The following LACTB variants were observed in gnomAD, a reference collection of about 807,000 sequenced individuals.
LACTB encodes the protein lactamase beta.
A neutral mutation model predicts 50.2 loss-of-function variants in LACTB; 35 were observed. The observed-to-expected ratio is 0.70, with a 90% CI of 0.53 to 0.92. LACTB has a LOEUF of 0.92. LACTB is among the 40% of genes least tolerant of loss of function. LACTB has a pLI of 0.00. For synonymous variants in LACTB, 252 were observed against 268.2 expected, an observed-to-expected ratio of 0.94 and a Z score of 0.59; for missense variants, 664 against 691.8, an observed-to-expected ratio of 0.96 and a Z score of 0.45.
At position 63,122,065 on chromosome 15, in the gene LACTB, C is replaced by T. The variant is rs1008166998; in HGVS notation, c.194C>T (p.Pro65Leu). The change falls in exon 1 of 6, where the codon CCG becomes CTG. Residue 65 changes from proline to leucine, a missense_variant. Pro to Leu is a moderately conservative substitution (Grantham distance 98). Coordinates refer to ENST00000261893, the MANE Select transcript of LACTB (RefSeq NM_032857.5). ...KLAGGLRGAA[P>L]AQSPAAPDPE... Reference sequence around the variant, plus strand: ...GCAGGTGGGCTGAGGGGCGCGGCCCCGGCGCAGTCCCCCGCGGCCCCCGAC... The same window carrying T: ...GCAGGTGGGCTGAGGGGCGCGGCCCTGGCGCAGTCCCCCGCGGCCCCCGAC... 2 of 1,436,486 alleles carry T rather than the reference C, an allele frequency of 1.4e-6. No individual in the cohort carries two copies. The highest frequency in any genetic ancestry group is 1.5e-5 in the African/African-American group (1 of 67,154). 89.0% of individuals were successfully genotyped at this position (1,436,486 alleles called of 1,614,324 possible). A position where few individuals can be genotyped will look rare whatever the true frequency, so the allele number is the denominator to read the frequency against.
At chr15:63,122,474 T>C (rs575331542) in intron 1 of LACTB, 162 bp from the exon 2 acceptor site, 7 of 739,268 alleles carry the variant, frequency 9.5e-6, no homozygotes, top group South Asian at 1.5e-5. Context: ...GGCACATCCC[T>C]TGCTGTTAGT....
chr15:63,140,067 G>T (rs771840374), intron 5 of LACTB, among the ~76,000 whole-genome samples: 10 of 152,010 alleles, frequency 6.6e-5, no homozygotes, highest in Non-Finnish European at 1.3e-4. Context: ...TGATTGTACC[G>T]CTGCAGTCCA....
rs2036992803 is a variant in LACTB, at chr15:63,122,666, G to A, written c.388G>A (p.Gly130Arg). 1 of 1,613,902 alleles carries A rather than the reference G, an allele frequency of 6.2e-7. No homozygotes were observed. The highest frequency in any genetic ancestry group is 8.5e-7 in the Non-Finnish European group (1 of 1,179,774). Reference sequence around the variant, plus strand: ...GGTGGGCGCACCGGGCATAGTGGTTGGAGTTTCTGTAGATGGAAAAGAAGT... The same window carrying A: ...GGTGGGCGCACCGGGCATAGTGGTTAGAGTTTCTGTAGATGGAAAAGAAGT... ...DEVGAPGIVV[G>R]VSVDGKEVWS... is the part of the protein sequence containing the mutation. The change falls in exon 2 of 6, where the codon GGA (glycine) becomes AGA (arginine). Residue 130 changes from glycine to arginine, a missense_variant. Physicochemically the swap from Gly to Arg is moderately radical, Grantham distance 125. Coordinates refer to ENST00000261893, the MANE Select transcript of LACTB (RefSeq NM_032857.5).
chr15:63,135,247 T>C (rs2037165841), intron 5 of LACTB, among the ~76,000 whole-genome samples: 1 of 152,214 alleles, frequency 6.6e-6, no homozygotes, highest in African/African-American at 2.4e-5. Context: ...ATTTAAATTA[T>C]AATTGTTCAA....
intron 5 of LACTB, among the ~76,000 whole-genome samples, chr15:63,140,775 C>T (rs1351844450): frequency 1.3e-5 from 2 of 152,088 alleles, no homozygotes; most frequent in East Asian, 3.9e-4. Context: ...GCTGCTGCAC[C>T]CAGCTTATAT....
chr15:63,131,046 A>G (rs1178318354), intron 5 of LACTB: 1 of 152,266 alleles, frequency 6.6e-6, no homozygotes, highest in East Asian at 1.9e-4. Context: ...TAATCCCATC[A>G]CTTTGGGAGG....
chr15:63,140,487 C>T (rs895757060), intron 5 of LACTB, among the ~76,000 whole-genome samples: 1 of 152,142 alleles, frequency 6.6e-6, no homozygotes, highest in Non-Finnish European at 1.5e-5. Flanking sequence ...TAACTGCCAA[C>T]CCTACTTCAC....
chr15:63,126,688 A>G (rs1471157002), intron 2 of LACTB, among the ~76,000 whole-genome samples, 171 bp from the exon 3 acceptor site: 1 of 152,236 alleles, frequency 6.6e-6, no homozygotes, highest in African/African-American at 2.4e-5. Flanking sequence ...GCTTACCGAT[A>G]TACTAAGATT....
intron 1 of LACTB, 22 bp downstream of exon 1, chr15:63,122,250 G>T (rs765402686): frequency 2.6e-6 from 4 of 1,521,358 alleles, no homozygotes; most frequent in Admixed American, 2.1e-5. Context: ...GGAGCGGGGG[G>T]CGTAGGGGGC....
chr15:63,135,562 C>T (rs1340990020), intron 5 of LACTB, among the ~76,000 whole-genome samples: 1 of 151,790 alleles, frequency 6.6e-6, no homozygotes, highest in African/African-American at 2.4e-5. Context: ...TCAGACAATA[C>T]AAAAAAAATC....
intron 4 of LACTB, 164 bp from the exon 5 acceptor site, chr15:63,129,321 G>C (rs2037097708): frequency 7.5e-6 from 4 of 531,078 alleles, no homozygotes; most frequent in Non-Finnish European, 1.2e-5. Flanking sequence ...CAGTTGCAAA[G>C]TTAACTCAAT....
intron 2 of LACTB, among the ~76,000 whole-genome samples, chr15:63,125,167 T>A (rs544577371): frequency 8.1e-4 from 68 of 84,342 alleles, no homozygotes; most frequent in Admixed American, 6.7e-3. Context: ...ATAAAAAAAA[T>A]TTTATTTATT....
At chr15:63,129,253 G>A (rs1356223187) in intron 4 of LACTB, 1 of 280,216 alleles carries the variant, frequency 3.6e-6, no homozygotes, top group Non-Finnish European at 6.5e-6. Context: ...AGATTTATGT[G>A]AAATGTTAAG....
chr15:63,124,684 G>A (rs2141068306), intron 2 of LACTB, among the ~76,000 whole-genome samples: 1 of 152,260 alleles, frequency 6.6e-6, no homozygotes, highest in South Asian at 2.1e-4. Context: ...CAGGTGCAGT[G>A]GCTCACGCCT....
In LACTB at chr15:63,122,001, C is replaced by T; in HGVS notation, c.130C>T (p.Leu44Phe). ...TCTCGGCCACGGCTGGGTCGGGGGC[C>T]TCGGGCTGGGGCTGGGGCTGGCGCT... ...PPLGHGWVGG[L>F]GLGLGLALGV... Residue 44 changes from leucine to phenylalanine, a missense_variant, in exon 1 of 6, where the codon CTC becomes TTC. By Grantham distance (22) the Leu-to-Phe change is conservative (BLOSUM62 0). Coordinates refer to ENST00000261893, the MANE Select transcript of LACTB (RefSeq NM_032857.5). 7.3e-7 allele frequency: 1 copy of T among 1,369,094 alleles called. No individual in the cohort carries two copies. Among genetic ancestry groups the T allele is most frequent in the Non-Finnish European group, 9.3e-7 (1 of 1,069,710 alleles). The allele number at this position is 1,369,094 out of a possible 1,614,324, so 84.8% of individuals were successfully genotyped here. A position where few individuals can be genotyped will look rare whatever the true frequency, so the allele number is the denominator to read the frequency against.
Position 63,141,932 on chromosome 15 carries a change from C to A in LACTB, c.*127C>A, listed in dbSNP as rs529088991. The A allele has an allele frequency of 1.0e-5, 7 of 698,018 alleles. No individual in the cohort carries two copies. Among genetic ancestry groups the A allele is most frequent in the Non-Finnish European group, 1.4e-5 (6 of 435,674 alleles). The allele number at this position is 698,018 out of a possible 1,614,324, so 43.2% of individuals were successfully genotyped here. A position where few individuals can be genotyped will look rare whatever the true frequency, so the allele number is the denominator to read the frequency against. The stretch of plus-strand genomic sequence containing the variant: ...ATAACTGAATGCAGAGAATTATGTA[C>A]CTCTAATTGCTTAATTTTGTAATGG... On this transcript the variant is annotated 3_prime_UTR_variant, in exon 6 of 6. Coordinates refer to ENST00000261893, the MANE Select transcript of LACTB (RefSeq NM_032857.5).
Position 63,122,252 on chromosome 15 carries a change from G to A in LACTB, c.357+24G>A, listed in dbSNP as rs1000610872. ...AGGTGCGGCCACTGGAGCGGGGGGC[G>A]TAGGGGGCCGGGGATCCACCCCTGT... On this transcript the variant is annotated intron_variant, in intron 1 of 5. Coordinates refer to ENST00000261893, the MANE Select transcript of LACTB (RefSeq NM_032857.5). 1.6e-5 allele frequency: 25 copies of A among 1,515,930 alleles called. No individual in the cohort carries two copies. In the South Asian group the frequency reaches 2.3e-4, roughly 14 times the overall value. The allele number at this position is 1,515,930 out of a possible 1,614,324, so 93.9% of individuals were successfully genotyped here. A position where few individuals can be genotyped will look rare whatever the true frequency, so the allele number is the denominator to read the frequency against.
rs2036976506 is a variant in LACTB at position 63,121,992 on chromosome 15, G to C, written c.121G>C (p.Val41Leu). The C allele has an allele frequency of 1.5e-6, 2 of 1,371,276 alleles. No individual in the cohort carries two copies. Among genetic ancestry groups the C allele is most frequent in the Non-Finnish European group, 1.9e-6 (2 of 1,070,922 alleles). 84.9% of individuals were successfully genotyped at this position (1,371,276 alleles called of 1,614,324 possible). The change falls in exon 1 of 6, where the codon GTC becomes CTC. Residue 41 changes from valine (V) to leucine (L), a missense_variant. Coordinates refer to ENST00000261893, the MANE Select transcript of LACTB (RefSeq NM_032857.5). ...AGLPPLGHGW[V>L]GGLGLGLGLA... ...GCTGCCGCCTCTCGGCCACGGCTGG[G>C]TCGGGGGCCTCGGGCTGGGGCTGGG...
intron 3 of LACTB, 129 bp downstream of exon 3, chr15:63,127,178 T>G: frequency 1.1e-6 from 1 of 936,006 alleles, no homozygotes; most frequent in Non-Finnish European, 1.6e-6. Context: ...TTTTTCTTAA[T>G]CCAGATGATA....
Sources: gnomAD v4.1 joint callset for allele counts (sites outside exome capture counted in the v4.1 genomes callset) on GRCh38, gnomAD v4.1.1 for gene constraint, MANE v1.5 for transcripts, NCBI Gene and HGNC (gene_info 2026-07-23, HGNC 2026-07-21) for gene names.